Variants in ENOX1 observed in about 807,000 individuals in gnomAD.
ENOX1 encodes the protein candidate growth-related and time keeping constitutive hydroquinone (NADH) oxidase.
In ENOX1, 42 loss-of-function variants were observed where a neutral mutation model predicts 82.5. The observed-to-expected ratio is 0.51, with a 90% CI of 0.40 to 0.66. The LOEUF is 0.66. ENOX1 is among the 30% of genes least tolerant of loss of function. The pLI is 0.00. For synonymous variants in ENOX1, 271 were observed against 282.2 expected, an observed-to-expected ratio of 0.96 and a Z score of 0.40; for missense variants, 608 against 811.6, an observed-to-expected ratio of 0.75 and a Z score of 3.05.
intron 16 of ENOX1, 124 bp downstream of exon 16, chr13:43,223,929 G>T (rs978702649): frequency 1.6e-6 from 1 of 643,316 alleles, no homozygotes; most frequent in Non-Finnish European, 2.7e-6. Flanking sequence ...TTGCAAAAGA[G>T]AAGGGCTGAT....
chr13:43,236,181 G>A (rs916517357), intron 15 of ENOX1, among the ~76,000 whole-genome samples: 1 of 152,282 alleles, frequency 6.6e-6, no homozygotes, highest in Non-Finnish European at 1.5e-5. Flanking sequence ...ACCCTGCATG[G>A]CCCTATTTGT....
At chr13:43,616,472 G>A (rs1594115727) in intron 2 of ENOX1, among the ~76,000 whole-genome samples, 1 of 150,966 alleles carries the variant, frequency 6.6e-6, no homozygotes, top group Non-Finnish European at 1.5e-5. Flanking sequence ...AAAGTGCTGG[G>A]GTTACAGACA....
At chr13:43,299,799 T>G (rs4942200) in intron 11 of ENOX1, among the ~76,000 whole-genome samples, 144,212 of 152,174 alleles carry the variant, frequency 0.95, 68,841 homozygotes, top group East Asian at 1. Context: ...ACATGTAACT[T>G]CCAGTAGATA....
intron 3 of ENOX1, among the ~76,000 whole-genome samples, chr13:43,475,794 C>CAAAAAAAAAAAAAAAAAAAAAAA (rs10624980): frequency 4.2e-5 from 3 of 70,944 alleles, no homozygotes; most frequent in African/African-American, 6.1e-5. Flanking sequence ...CATAACTGAC[C>CAAAAAAAAAAAAAAAAAAAAAAA]AAAAAAAAAA....
intron 16 of ENOX1, among the ~76,000 whole-genome samples, chr13:43,222,260 C>G (rs897479084): frequency 6.6e-4 from 100 of 152,078 alleles, no homozygotes; most frequent in African/African-American, 2.3e-3. Context: ...CGTCACAAAT[C>G]TTACCTGAGC....
intron 2 of ENOX1, among the ~76,000 whole-genome samples, chr13:43,618,977 ATTT>A (rs56048836): frequency 1.2e-4 from 14 of 116,928 alleles, no homozygotes; most frequent in African/African-American, 1.3e-4. Context: ...ATAGTCCTAA[ATTT>A]TTTTTTTTTT....
intron 1 of ENOX1, among the ~76,000 whole-genome samples, chr13:43,738,588 A>C (rs1489405398): frequency 6.6e-6 from 1 of 152,224 alleles, no homozygotes; most frequent in Non-Finnish European, 1.5e-5. Context: ...GTTGCATATC[A>C]TTAGAAAGGT....
At chr13:43,785,774 G>A (rs1180825487) in intron 1 of ENOX1, among the ~76,000 whole-genome samples, 4 of 152,156 alleles carry the variant, frequency 2.6e-5, no homozygotes, top group Non-Finnish European at 5.9e-5. Context: ...TTCCGAAAGA[G>A]GGCGGGGTTA....
chr13:43,247,848 TATATATATATATATATATATATATATATA>T (rs1566328657), intron 14 of ENOX1, among the ~76,000 whole-genome samples: 178 of 1,892 alleles, frequency 0.094, 15 homozygotes, highest in Non-Finnish European at 0.13. Flanking sequence ...TATATATATA[TATATATATATATATATATATATATATATA>T]TATATATTTT....
At chr13:43,352,430 C>T (rs574180564) in intron 8 of ENOX1, among the ~76,000 whole-genome samples, 2 of 152,318 alleles carry the variant, frequency 1.3e-5, no homozygotes, top group Admixed American at 1.3e-4. Flanking sequence ...TCTCTTCCTC[C>T]CACAGTCCAA....
At chr13:43,440,537 G>A (rs2153621657) in intron 3 of ENOX1, among the ~76,000 whole-genome samples, 1 of 152,190 alleles carries the variant, frequency 6.6e-6, no homozygotes, top group African/African-American at 2.4e-5. Flanking sequence ...ATCAAAATCA[G>A]AATTCTACTT....
intron 5 of ENOX1, among the ~76,000 whole-genome samples, chr13:43,389,144 C>T (rs1419896064): frequency 6.6e-6 from 1 of 152,162 alleles, no homozygotes; most frequent in African/African-American, 2.4e-5. Flanking sequence ...TAACTAGAAA[C>T]ACTCTTTTGG....
intron 1 of ENOX1, among the ~76,000 whole-genome samples, chr13:43,780,992 G>A (rs1490847729): frequency 6.6e-6 from 1 of 152,192 alleles, no homozygotes; most frequent in African/African-American, 2.4e-5. Flanking sequence ...GTATTCCTTT[G>A]GACTTGCTGC....
At position 43,333,665 on chromosome 13, in the gene ENOX1, C is replaced by T. The variant is rs1363343571; in HGVS notation, c.1037-7140G>A. Among the ~76,000 whole-genome samples the T allele has an allele frequency of 2.0e-5, 3 of 152,212 alleles. No homozygotes were observed. In the South Asian group the frequency reaches 6.2e-4, roughly 32 times the overall value. On this transcript the variant is annotated intron_variant, in intron 9 of 16. Transcript: ENST00000690772. ...TTTGAGACGGAGTCTCACTGTCACCCAGCCTGAAGTGCAGCGGCATGATCT... is the reference window on the plus strand; with the variant it reads ...TTTGAGACGGAGTCTCACTGTCACCTAGCCTGAAGTGCAGCGGCATGATCT...
intron 16 of ENOX1, among the ~76,000 whole-genome samples, chr13:43,222,789 A>G (rs2041856311): frequency 6.6e-6 from 1 of 152,228 alleles, no homozygotes; most frequent in Non-Finnish European, 1.5e-5. Flanking sequence ...ATATGACAAC[A>G]AAGGAACATT....
intron 2 of ENOX1, among the ~76,000 whole-genome samples, chr13:43,646,454 A>G (rs2083898642): frequency 1.3e-5 from 2 of 152,346 alleles, no homozygotes; most frequent in South Asian, 4.1e-4. Flanking sequence ...AAACTAAGGA[A>G]TACCATCTTC....
intron 3 of ENOX1, among the ~76,000 whole-genome samples, chr13:43,445,331 G>A (rs984866383): frequency 2.0e-5 from 3 of 152,036 alleles, no homozygotes; most frequent in Non-Finnish European, 2.9e-5. Flanking sequence ...CACCGTGTTA[G>A]CCAGGATGGT....
intron 14 of ENOX1, among the ~76,000 whole-genome samples, chr13:43,239,905 G>A (rs564139717): frequency 2.0e-5 from 3 of 152,112 alleles, no homozygotes; most frequent in Non-Finnish European, 4.4e-5. Flanking sequence ...AGGTTAATTT[G>A]ATTTGTCTGT....
chr13:43,688,211 C>T (rs912219495), intron 1 of ENOX1, among the ~76,000 whole-genome samples: 1 of 151,954 alleles, frequency 6.6e-6, no homozygotes, highest in Non-Finnish European at 1.5e-5. Flanking sequence ...AGGTTAACTG[C>T]AACAAGTAGA....
Sources: gnomAD v4.1 joint callset for allele counts (sites outside exome capture counted in the v4.1 genomes callset) on GRCh38, gnomAD v4.1.1 for gene constraint, MANE v1.5 for transcripts, NCBI Gene and HGNC (gene_info 2026-07-23, HGNC 2026-07-21) for gene names.